MYO3A: variants seen among roughly 807,000 people sequenced by gnomAD.
The protein encoded by MYO3A is myosin-IIIa.
A neutral mutation model predicts 192.7 loss-of-function variants in MYO3A; 180 were observed. That is an observed-to-expected ratio of 0.93 (90% confidence interval 0.83 to 1.06). The LOEUF (loss-of-function observed/expected upper bound fraction) is 1.06, where lower values mean the gene tolerates loss of function less well. Among genes scored for constraint, MYO3A ranks in the 50% least tolerant of loss-of-function variants. The pLI is 0.00. For synonymous variants in MYO3A, 628 were observed against 645.3 expected, an observed-to-expected ratio of 0.97 and a Z score of 0.41; for missense variants, 1,896 against 1,905.0, an observed-to-expected ratio of 1.00 and a Z score of 0.09.
rs1554816581 is a variant in MYO3A at position 26,062,530 on chromosome 10, A to AAAAAAAAAAAAAAAAAAAAAAAAAACG, written c.954-4442_954-4441insAAAAAAAAAAAAAAAAAAAAAACGAAA. Among the ~76,000 whole-genome samples the AAAAAAAAAAAAAAAAAAAAAAAAAACG allele has an allele frequency of 1.1e-3, 133 of 125,958 alleles. 1 individual carries two copies. The highest frequency in any genetic ancestry group is 1.7e-3 in the Non-Finnish European group (97 of 58,486). 82.6% of individuals were successfully genotyped at this position (125,958 alleles called of 152,430 possible). ...GATGCCATCTCAAAAAAAAAAAAAA[A>AAAAAAAAAAAAAAAAAAAAAAAAAACG]AAATTATGGAGGAATCTAATTAAGA... On this transcript the variant is annotated intron_variant, in intron 10 of 34. Transcript: ENST00000642920.
At chr10:26,149,835 A>G (rs1443925084) in intron 23 of MYO3A, among the ~76,000 whole-genome samples, 1 of 152,152 alleles carries the variant, frequency 6.6e-6, no homozygotes, top group Non-Finnish European at 1.5e-5. Context: ...CTGACATTTT[A>G]TCCTTTGACC....
At chr10:25,998,111 T>C (rs980839366) in intron 6 of MYO3A, among the ~76,000 whole-genome samples, 2 of 152,202 alleles carry the variant, frequency 1.3e-5, no homozygotes, top group African/African-American at 4.8e-5. Flanking sequence ...TCTTTATAGA[T>C]AAAGATACTT....
intron 18 of MYO3A, among the ~76,000 whole-genome samples, chr10:26,121,201 G>A (rs1838839466): frequency 6.6e-6 from 1 of 150,778 alleles, no homozygotes; most frequent in African/African-American, 2.4e-5. Context: ...GGATTCTACA[G>A]CCATTCATCC....
intron 4 of MYO3A, among the ~76,000 whole-genome samples, chr10:25,958,619 T>C (rs971925226): frequency 6.6e-6 from 1 of 152,204 alleles, no homozygotes. Flanking sequence ...TTTTTCTAGT[T>C]CTGTGAAGAA....
chr10:26,205,686 G>T (rs1370662890), intron 34 of MYO3A, among the ~76,000 whole-genome samples: 6 of 135,880 alleles, frequency 4.4e-5, no homozygotes, highest in Non-Finnish European at 4.6e-5. Flanking sequence ...GCACGATCTC[G>T]GCTCACTGCA....
At chr10:26,060,074 G>T (rs71492526) in intron 10 of MYO3A, among the ~76,000 whole-genome samples, 1 of 151,302 alleles carries the variant, frequency 6.6e-6, no homozygotes, top group African/African-American at 2.4e-5. Flanking sequence ...CCTAACCAAC[G>T]TAGAGAAACT....
chr10:26,051,406 A>T (rs1418234303), intron 10 of MYO3A, among the ~76,000 whole-genome samples: 1 of 151,924 alleles, frequency 6.6e-6, no homozygotes, highest in Non-Finnish European at 1.5e-5. Context: ...GAGACATCTA[A>T]TTGGGTGAGC....
At chr10:26,140,973 G>T (rs1013702729) in intron 20 of MYO3A, among the ~76,000 whole-genome samples, 2 of 152,070 alleles carry the variant, frequency 1.3e-5, no homozygotes, top group African/African-American at 4.8e-5. Flanking sequence ...TGTCGCCCAG[G>T]CTGGAGTGCA....
intron 4 of MYO3A, among the ~76,000 whole-genome samples, chr10:25,978,615 C>A (rs1839106144): frequency 6.6e-6 from 1 of 152,000 alleles, no homozygotes; most frequent in Non-Finnish European, 1.5e-5. Context: ...TCATATACCA[C>A]CTAAAATTGT....
At chr10:26,102,828 G>A (rs890661929) in intron 17 of MYO3A, among the ~76,000 whole-genome samples, 1 of 152,192 alleles carries the variant, frequency 6.6e-6, no homozygotes, top group African/African-American at 2.4e-5. Context: ...GGTGTCTCCT[G>A]GTTAGGCTAC....
rs1842821365 is a variant in MYO3A at position 26,185,490 on chromosome 10, C to T, written c.4439-7715C>T. ...TAGTAGCTGGGATTACAGGCGTGTG[C>T]CACCATGCCCGGCTAAATTTTGTAT... On this transcript the variant is annotated intron_variant, in intron 31 of 34. Coordinates refer to ENST00000642920, the MANE Select transcript of MYO3A (RefSeq NM_017433.5). 2.6e-5 allele frequency among the ~76,000 whole-genome samples: 4 copies of T among 151,818 alleles called. No homozygotes were observed. In the South Asian group the frequency reaches 8.3e-4, roughly 32 times the overall value.
rs746281374 is a variant in MYO3A at position 26,211,904 on chromosome 10, G to A, written c.4792G>A (p.Asp1598Asn). Reference protein sequence around the residue: ...EEREPAANPYDFRRLLRKTSQ... With the variant: ...EEREPAANPYNFRRLLRKTSQ... Reference sequence around the variant, plus strand: ...GAGAGAGCCAGCAGCCAACCCCTACGACTTCAGGAGGCTCCTGCGCAAAAC... The same window carrying A: ...GAGAGAGCCAGCAGCCAACCCCTACAACTTCAGGAGGCTCCTGCGCAAAAC... Residue 1598 changes from aspartate to asparagine, a missense_variant, in exon 35 of 35, where the codon GAC becomes AAC. Coordinates refer to ENST00000642920, the MANE Select transcript of MYO3A (RefSeq NM_017433.5). 20 of 1,613,886 alleles carry A rather than the reference G, an allele frequency of 1.2e-5. No homozygotes were observed. Among genetic ancestry groups the A allele is most frequent in the African/African-American group, 6.7e-5 (5 of 74,910 alleles).
intron 4 of MYO3A, among the ~76,000 whole-genome samples, chr10:25,956,866 A>G (rs577421308): frequency 6.6e-6 from 1 of 151,888 alleles, no homozygotes; most frequent in East Asian, 1.9e-4. Context: ...CCCATTAGTT[A>G]TTTTTCCTGA....
At chr10:26,126,851 A>C (rs1376357059) in intron 19 of MYO3A, among the ~76,000 whole-genome samples, 3 of 152,184 alleles carry the variant, frequency 2.0e-5, no homozygotes, top group Non-Finnish European at 4.4e-5. Flanking sequence ...CCATTCACTA[A>C]TGAAAACCAT....
intron 17 of MYO3A, among the ~76,000 whole-genome samples, chr10:26,098,478 T>G (rs887917404): frequency 1.3e-5 from 2 of 152,216 alleles, no homozygotes; most frequent in African/African-American, 4.8e-5. Flanking sequence ...AGACATGAAG[T>G]CCTTGCCCAT....
At chr10:25,993,289 A>G (rs1164496307) in intron 4 of MYO3A, among the ~76,000 whole-genome samples, 1 of 152,074 alleles carries the variant, frequency 6.6e-6, no homozygotes, top group African/African-American at 2.4e-5. Flanking sequence ...TTTCTAATTT[A>G]TTTGCGTAGA....
chr10:25,980,880 G>T (rs1031143307), intron 4 of MYO3A, among the ~76,000 whole-genome samples: 2 of 151,980 alleles, frequency 1.3e-5, no homozygotes, highest in African/African-American at 4.8e-5. Context: ...TTTACATTAG[G>T]GTTCCCTACT....
chr10:26,124,766 A>T (rs970123064), intron 18 of MYO3A, among the ~76,000 whole-genome samples: 5 of 152,228 alleles, frequency 3.3e-5, no homozygotes, highest in Non-Finnish European at 5.9e-5. Flanking sequence ...TAAATTCCCC[A>T]TGAAATGTAA....
intron 27 of MYO3A, among the ~76,000 whole-genome samples, chr10:26,167,052 A>G (rs1332300380): frequency 6.6e-6 from 1 of 152,216 alleles, no homozygotes; most frequent in Non-Finnish European, 1.5e-5. Flanking sequence ...TGCACTGAAT[A>G]TATCTTAAGG....
Sources: allele counts gnomAD v4.1 joint callset (sites outside exome capture counted in the v4.1 genomes callset), GRCh38; gene constraint gnomAD v4.1.1; transcripts MANE v1.5; gene names NCBI Gene and HGNC (gene_info 2026-07-23, HGNC 2026-07-21).